Variants in RASEF observed in about 807,000 individuals in gnomAD.
RASEF encodes the protein RAS and EF-hand domain containing.
Under a neutral mutation model 90.1 loss-of-function variants are expected in RASEF, and 68 were observed. That is an observed-to-expected ratio of 0.75 (90% confidence interval 0.62 to 0.92). RASEF has a LOEUF of 0.92. RASEF is among the 40% of genes least tolerant of loss of function. The pLI is 0.00. For synonymous variants in RASEF, 331 were observed against 345.2 expected, an observed-to-expected ratio of 0.96 and a Z score of 0.46; for missense variants, 949 against 937.2, an observed-to-expected ratio of 1.01 and a Z score of -0.16.
chr9:83,175,239 G>A, the RASEF span, among the ~76,000 whole-genome samples: 1 of 152,104 alleles, frequency 6.6e-6, no homozygotes, highest in African/African-American at 2.4e-5. Context: ...TAATAATTAT[G>A]AACTTTTCAT....
chr9:83,088,375 T>TAGATAGAC, the RASEF span, among the ~76,000 whole-genome samples: 1 of 139,574 alleles, frequency 7.2e-6, no homozygotes, highest in East Asian at 3.0e-4. Context: ...GATAGATGGA[T>TAGATAGAC]AGATAGATAG....
chr9:83,134,358 G>T, the RASEF span, among the ~76,000 whole-genome samples: 1 of 149,986 alleles, frequency 6.7e-6, no homozygotes, highest in South Asian at 2.1e-4. Flanking sequence ...CACTGATTGC[G>T]AACAGATTCT....
At chr9:83,001,581 A>G (rs1011320912) in intron 9 of RASEF, among the ~76,000 whole-genome samples, 1 of 152,212 alleles carries the variant, frequency 6.6e-6, no homozygotes, top group African/African-American at 2.4e-5. Flanking sequence ...AAAGGCAACC[A>G]CAATGTCAGA....
the RASEF span, among the ~76,000 whole-genome samples, chr9:83,111,117 A>G: frequency 2.6e-5 from 4 of 152,210 alleles, no homozygotes; most frequent in Non-Finnish European, 5.9e-5. Flanking sequence ...ATAAGAAACA[A>G]TCAAACTTGG....
At chr9:83,000,836 T>C (rs961222847) in intron 10 of RASEF, 60 bp downstream of exon 10, 1 of 1,386,926 alleles carries the variant, frequency 7.2e-7, no homozygotes, top group Admixed American at 1.7e-5. Context: ...AGAAGGCAAA[T>C]AAGGTGACAG....
the RASEF span, among the ~76,000 whole-genome samples, chr9:83,182,487 A>G: frequency 3.1e-3 from 471 of 152,282 alleles, 1 homozygote; most frequent in African/African-American, 0.011. Flanking sequence ...CAAAAATTAC[A>G]CTGTAAATCA....
chr9:83,139,751 A>G, the RASEF span, among the ~76,000 whole-genome samples: 2 of 152,070 alleles, frequency 1.3e-5, no homozygotes, highest in Admixed American at 6.6e-5. Flanking sequence ...CAGAAAATGT[A>G]TTTTTCTGAA....
intron 3 of RASEF, among the ~76,000 whole-genome samples, chr9:83,016,807 G>A (rs975811032): frequency 1.3e-5 from 2 of 152,192 alleles, no homozygotes; most frequent in African/African-American, 4.8e-5. Flanking sequence ...CTGAATACCT[G>A]CCAGAGGTAG....
chr9:83,087,779 CTAA>C, the RASEF span, among the ~76,000 whole-genome samples: 1 of 151,888 alleles, frequency 6.6e-6, no homozygotes, highest in African/African-American at 2.4e-5. Context: ...TACTTCCACA[CTAA>C]TATTATTTCC....
the RASEF span, among the ~76,000 whole-genome samples, chr9:83,143,037 T>G: frequency 2.0e-5 from 3 of 152,122 alleles, no homozygotes; most frequent in African/African-American, 7.2e-5. Flanking sequence ...AACTCATCAG[T>G]TTAGTTCAAT....
chr9:83,031,337 G>C (rs1009543774), intron 1 of RASEF, among the ~76,000 whole-genome samples: 1 of 152,054 alleles, frequency 6.6e-6, no homozygotes, highest in Non-Finnish European at 1.5e-5. Flanking sequence ...TTTTAGAAGG[G>C]AACAAAAGGC....
At chr9:83,034,467 A>T (rs1740385470) in intron 1 of RASEF, among the ~76,000 whole-genome samples, 1 of 152,210 alleles carries the variant, frequency 6.6e-6, no homozygotes, top group Admixed American at 6.5e-5. Context: ...TACTTACCTA[A>T]GTATCTATTT....
At chr9:82,991,117 C>A (rs530244277) in intron 15 of RASEF, among the ~76,000 whole-genome samples, 1 of 152,120 alleles carries the variant, frequency 6.6e-6, no homozygotes, top group African/African-American at 2.4e-5. Flanking sequence ...CTCACTCATC[C>A]CCCACTCACT....
chr9:83,073,803 T>C, the RASEF span, among the ~76,000 whole-genome samples: 6 of 152,324 alleles, frequency 3.9e-5, no homozygotes, highest in East Asian at 1.2e-3. Flanking sequence ...GTAATCTTAG[T>C]CAAGAGTTAA....
chr9:83,087,405 T>TTCTCTCTCTCTCTCTCTCTC, the RASEF span, among the ~76,000 whole-genome samples: 2,195 of 115,418 alleles, frequency 0.019, 122 homozygotes, highest in Non-Finnish European at 0.022. Context: ...TTCTCATTCA[T>TTCTCTCTCTCTCTCTCTCTC]TCTCTCTCTC....
the RASEF span, among the ~76,000 whole-genome samples, chr9:83,113,179 A>C: frequency 1.2e-4 from 18 of 152,238 alleles, no homozygotes; most frequent in African/African-American, 3.9e-4. Flanking sequence ...ATCAGTTCCC[A>C]AAATTAATAC....
chr9:83,062,942 A>G lies in RASEF; in HGVS notation c.-75T>C. ...GGGCCCTCCCTGGAAGGACGGGGCC[A>G]CCTGCTGCCGCCGGGAGGCCCGGCG... On this transcript the variant is annotated 5_prime_UTR_variant, in exon 1 of 17. Transcript: ENST00000376447. The G allele has an allele frequency of 7.5e-7, 1 of 1,335,458 alleles. No homozygotes were observed. Among genetic ancestry groups the G allele is most frequent in the Non-Finnish European group, 9.6e-7 (1 of 1,041,600 alleles). The allele number at this position is 1,335,458 out of a possible 1,614,324, so 82.7% of individuals were successfully genotyped here.
intron 14 of RASEF, among the ~76,000 whole-genome samples, chr9:82,995,287 C>T (rs1357892473): frequency 6.6e-6 from 1 of 152,098 alleles, no homozygotes; most frequent in African/African-American, 2.4e-5. Context: ...AAAGACTAAT[C>T]CAAAATGTCA....
the RASEF span, among the ~76,000 whole-genome samples, chr9:83,163,781 G>A: frequency 6.6e-6 from 1 of 151,986 alleles, no homozygotes. Context: ...AGAAGAAAAA[G>A]AGAAAGGAGT....
Sources: gnomAD v4.1 joint callset for allele counts (sites outside exome capture counted in the v4.1 genomes callset) on GRCh38, gnomAD v4.1.1 for gene constraint, MANE v1.5 for transcripts, NCBI Gene and HGNC (gene_info 2026-07-23, HGNC 2026-07-21) for gene names.